The following MAST2 variants were observed in gnomAD, a reference collection of about 807,000 sequenced individuals.
MAST2 encodes the protein microtubule-associated serine/threonine-protein kinase 2.
In MAST2, 70 loss-of-function variants were observed where a neutral mutation model predicts 147.4. That is an observed-to-expected ratio of 0.47 (90% CI 0.39 to 0.58). The LOEUF (loss-of-function observed/expected upper bound fraction) is 0.58. Among genes scored for constraint, MAST2 ranks in the 20% least tolerant of loss-of-function variants. The pLI, the probability that MAST2 is intolerant of heterozygous loss-of-function variation, is 0.00. For missense variants in MAST2, 2,080 were observed against 2,302.3 expected (o/e 0.90, Z 1.98); for synonymous variants, 869 against 896.8 (o/e 0.97, Z 0.55).
chr1:45,943,842 A>G (rs1399164864), intron 4 of MAST2, among the ~76,000 whole-genome samples: 1 of 152,248 alleles, frequency 6.6e-6, no homozygotes, highest in Non-Finnish European at 1.5e-5. Context: ...AACATAGGGA[A>G]ATAACACTAC....
chr1:45,928,611 T>A (rs1570760631), intron 4 of MAST2, among the ~76,000 whole-genome samples: 2 of 151,580 alleles, frequency 1.3e-5, no homozygotes, highest in Admixed American at 1.3e-4. Context: ...AGACAGAGTC[T>A]CTCTCTATTG....
chr1:45,965,425 AT>A (rs1470465158), intron 5 of MAST2, among the ~76,000 whole-genome samples: 1 of 152,162 alleles, frequency 6.6e-6, no homozygotes. Flanking sequence ...GGGTGCACAT[AT>A]ATTTAGGATA....
At position 45,989,313 on chromosome 1, in the gene MAST2, A is replaced by G. The variant is rs150484107; in HGVS notation, c.593-8411A>G. Among the ~76,000 whole-genome samples the G allele has an allele frequency of 9.1e-3, 1,389 of 152,286 alleles. 73 individuals carry two copies. The highest frequency in any genetic ancestry group is 0.084 in the Admixed American group (1,277 of 15,286). On this transcript the variant is annotated intron_variant, in intron 5 of 28. Coordinates refer to ENST00000361297, the MANE Select transcript of MAST2 (RefSeq NM_015112.3). The stretch of plus-strand genomic sequence containing the variant: ...AACTACTCAGTTCCAGTGTACGTGT[A>G]TAGCAGTATCAAAATTATTAACCCA...
At chr1:45,838,301 C>T (rs926214761) in intron 3 of MAST2, among the ~76,000 whole-genome samples, 6 of 149,486 alleles carry the variant, frequency 4.0e-5, no homozygotes, top group African/African-American at 1.5e-4. Flanking sequence ...CTCACTGCAA[C>T]CTCCGCCTCC....
intron 3 of MAST2, among the ~76,000 whole-genome samples, chr1:45,831,948 T>A (rs1644970916): frequency 6.6e-6 from 1 of 151,982 alleles, no homozygotes; most frequent in Admixed American, 6.6e-5. Context: ...CCTGGCTAAT[T>A]TTTGTATTTT....
At chr1:45,877,421 T>G (rs1482763636) in intron 3 of MAST2, among the ~76,000 whole-genome samples, 1 of 152,132 alleles carries the variant, frequency 6.6e-6, no homozygotes, top group East Asian at 1.9e-4. Context: ...TAATCCCGTT[T>G]ACAAGAGAGA....
chr1:45,876,593 G>T (rs1053935509), intron 3 of MAST2, among the ~76,000 whole-genome samples: 2 of 152,190 alleles, frequency 1.3e-5, no homozygotes, highest in African/African-American at 4.8e-5. Context: ...GAGTACTCTT[G>T]CCTCAGCCAA....
At chr1:45,869,122 C>A (rs1414048462) in intron 3 of MAST2, among the ~76,000 whole-genome samples, 2 of 151,994 alleles carry the variant, frequency 1.3e-5, no homozygotes, top group Admixed American at 1.3e-4. Flanking sequence ...TCTGACATTC[C>A]CCCCATTCCT....
At chr1:46,033,703 G>A in intron 26 of MAST2, 99 bp from the exon 27 acceptor site, 1 of 1,464,144 alleles carries the variant, frequency 6.8e-7, no homozygotes, top group Non-Finnish European at 9.3e-7. Flanking sequence ...ACAAAAAGCT[G>A]GAGCTGTGGT....
Position 46,032,393 on chromosome 1 carries a change from C to G in MAST2, c.3403C>G (p.His1135Asp). The change falls in exon 25 of 29, where the codon CAT becomes GAT. Residue 1135 changes from histidine (H) to aspartate (D), a missense_variant. Physicochemically the swap from His to Asp is moderately conservative, Grantham distance 81 (BLOSUM62 -1). Around this residue, in one of 4 missense-constraint regions of MAST2, gnomAD observed 1,278 missense variants for 1,304.2 expected, o/e 0.98. Coordinates refer to ENST00000361297, the MANE Select transcript of MAST2 (RefSeq NM_015112.3). ...MGDSDVYTVH[H>D]MVWHVEDGGP... Reference sequence around the variant, plus strand: ...TGACTCCGATGTCTACACCGTGCACCATATGGTGTGGGTATGTCTGACCAT... The same window carrying G: ...TGACTCCGATGTCTACACCGTGCACGATATGGTGTGGGTATGTCTGACCAT... 6.2e-7 allele frequency: 1 copy of G among 1,614,002 alleles called. No homozygotes were observed. The highest frequency in any genetic ancestry group is 8.5e-7 in the Non-Finnish European group (1 of 1,179,866).
intron 2 of MAST2, among the ~76,000 whole-genome samples, chr1:45,827,708 C>T (rs888740453): frequency 6.6e-6 from 1 of 151,838 alleles, no homozygotes; most frequent in Non-Finnish European, 1.5e-5. Flanking sequence ...GTAAAAGGTA[C>T]ATTTGAGACT....
chr1:45,970,395 T>G lies in MAST2; in HGVS notation c.592+10918T>G, dbSNP rs538651176. Among the ~76,000 whole-genome samples the G allele has an allele frequency of 2.9e-3, 444 of 152,268 alleles. 3 individuals are homozygous for G. Among genetic ancestry groups the G allele is most frequent in the East Asian group, 0.02 (104 of 5,172 alleles). On this transcript the variant is annotated intron_variant, in intron 5 of 28. Coordinates refer to ENST00000361297, the MANE Select transcript of MAST2 (RefSeq NM_015112.3). ...GAATTTCTGCTCCTGCCGGGCACGG[T>G]GGCTCACACTTGTAATCCCAGCACT...
intron 5 of MAST2, among the ~76,000 whole-genome samples, chr1:45,989,207 T>G (rs944709080): frequency 2.6e-5 from 4 of 152,182 alleles, no homozygotes; most frequent in Non-Finnish European, 4.4e-5. Context: ...CATTCTAGCT[T>G]CTTCTTCCCT....
chr1:45,850,836 CTTTT>C (rs35427966), intron 3 of MAST2, among the ~76,000 whole-genome samples: 3 of 113,592 alleles, frequency 2.6e-5, no homozygotes, highest in Non-Finnish European at 5.5e-5. Flanking sequence ...CAGTACTATG[CTTTT>C]TTTTTTTTTT....
intron 4 of MAST2, among the ~76,000 whole-genome samples, chr1:45,912,800 C>A (rs1016826283): frequency 6.6e-6 from 1 of 152,142 alleles, no homozygotes; most frequent in African/African-American, 2.4e-5. Flanking sequence ...TAATCTCTTC[C>A]TTTAGACTGG....
intron 4 of MAST2, among the ~76,000 whole-genome samples, chr1:45,908,376 T>C (rs1277210018): frequency 8.5e-5 from 13 of 152,156 alleles, no homozygotes; most frequent in Non-Finnish European, 1.5e-5. Flanking sequence ...TGCAGAGGTA[T>C]GGATTAGTGA....
At chr1:45,902,174 G>A (rs974075494) in intron 4 of MAST2, among the ~76,000 whole-genome samples, 2 of 152,160 alleles carry the variant, frequency 1.3e-5, no homozygotes, top group African/African-American at 4.8e-5. Flanking sequence ...CTAATTCGTT[G>A]AAGGTTTTTA....
In MAST2 at chr1:46,034,047, TCAGCCTTTGACC is replaced by T. The variant is rs762626911; in HGVS notation, c.3675-24_3675-13del. ...TGTGTGCTGTGCTCACTGCACCGAC[TCAGCCTTTGACC>T]CTTATCCCCGCAGCAGAAAAAGGAG... is the stretch of plus-strand genomic sequence containing the variant. On this transcript the variant is annotated splice_polypyrimidine_tract_variant and intron_variant, in intron 27 of 28. Transcript: ENST00000361297. 7.5e-6 allele frequency: 12 copies of T among 1,609,242 alleles called. No homozygotes were observed. The African/African-American group carries it at 1.6e-4, about 21-fold the overall frequency.
chr1:46,022,922 T>C lies in MAST2; in HGVS notation c.1436T>C (p.Leu479Ser), dbSNP rs765766318. 19 of 1,614,046 alleles carry C rather than the reference T, an allele frequency of 1.2e-5. No homozygotes were observed. The highest frequency in any genetic ancestry group is 1.6e-5 in the Non-Finnish European group (19 of 1,179,990). ...TCTTTGTTTCCAGAAATGGCCCAGT[T>C]GAGCAGCTGTGACAGTCCTGACACT... ...TRDPLEEMAQ[L>S]SSCDSPDTPE... The change falls in exon 13 of 29, where the codon TTG becomes TCG. Residue 479 changes from leucine (L) to serine (S), a missense_variant. This residue lies in a region of MAST2 where 569 missense variants were observed against 642.5 expected (regional missense o/e 0.89). Coordinates refer to ENST00000361297, the MANE Select transcript of MAST2 (RefSeq NM_015112.3).
Sources: gnomAD v4.1 joint callset for allele counts (sites outside exome capture counted in the v4.1 genomes callset) on GRCh38, gnomAD v4.1.1 for gene constraint, gnomAD v4.1.1 regional missense constraint, MANE v1.5 for transcripts, NCBI Gene and HGNC (gene_info 2026-07-23, HGNC 2026-07-21) for gene names.